The following SCN3A variants were observed in gnomAD, a reference collection of about 807,000 sequenced individuals.
SCN3A encodes sodium voltage-gated channel alpha subunit 3.
A neutral mutation model predicts 187.6 loss-of-function variants in SCN3A; 60 were observed. That is an observed-to-expected ratio of 0.32 (90% CI 0.26 to 0.40). SCN3A has a LOEUF of 0.40. Among genes scored for constraint, SCN3A ranks in the 10% least tolerant of loss-of-function variants. SCN3A has a pLI of 1.00. For missense variants in SCN3A, 1,601 were observed against 2,428.2 expected (o/e 0.66, Z 7.16); for synonymous variants, 788 against 829.2 (o/e 0.95, Z 0.85).
chr2:165,105,355 T>C (rs1347992), intron 21 of SCN3A, among the ~76,000 whole-genome samples: 33,489 of 152,024 alleles, frequency 0.22, 3,626 homozygotes, highest in South Asian at 0.27. Flanking sequence ...GTTTTTCCCA[T>C]TAATAGTACT....
chr2:165,162,853 C>A (rs770748419), intron 7 of SCN3A, 25 bp from the exon 8 acceptor site: 14 of 1,613,318 alleles, frequency 8.7e-6, no homozygotes, highest in Middle Eastern at 3.3e-4. Context: ...CTATAGGTTA[C>A]CTGAGGAAGA....
At chr2:165,124,057 C>T (rs1170784410) in intron 18 of SCN3A, among the ~76,000 whole-genome samples, 4 of 151,758 alleles carry the variant, frequency 2.6e-5, no homozygotes, top group African/African-American at 9.7e-5. Flanking sequence ...TAGTGATTTT[C>T]CCACTAACAT....
intron 2 of SCN3A, among the ~76,000 whole-genome samples, chr2:165,180,054 G>C (rs1254570931): frequency 2.0e-5 from 3 of 151,846 alleles, no homozygotes; most frequent in African/African-American, 7.3e-5. Flanking sequence ...AAAAAGATAC[G>C]AAAAAAATCT....
In SCN3A at chr2:165,092,046, C is replaced by A; in HGVS notation, c.4807+208G>T. On this transcript the variant is annotated intron_variant, in intron 27 of 27. Coordinates refer to ENST00000283254, the MANE Select transcript of SCN3A (RefSeq NM_006922.4). This position sits in a 1 kb window ranked among gnomAD's most constrained non-coding sequence, Gnocchi z 4.2. ...TTTCCTGTCTTCTTCACCTCTTTCC[C>A]AAATCTGGTATTCCTAACATGGTTT... 1.7e-6 allele frequency: 1 copy of A among 605,306 alleles called. No homozygotes were observed. Among genetic ancestry groups the A allele is most frequent in the Non-Finnish European group, 2.9e-6 (1 of 342,836 alleles). The allele number at this position is 605,306 out of a possible 1,614,324, so 37.5% of individuals were successfully genotyped here.
intron 25 of SCN3A, among the ~76,000 whole-genome samples, 183 bp from the exon 26 acceptor site, chr2:165,094,661 A>G (rs945621775): frequency 6.6e-6 from 1 of 152,170 alleles, no homozygotes; most frequent in South Asian, 2.1e-4. Flanking sequence ...CAAAATCCTT[A>G]CGTACATAAA....
In SCN3A at chr2:165,092,040, C is replaced by G; in HGVS notation, c.4807+214G>C. 2 of 601,248 alleles carry G rather than the reference C, an allele frequency of 3.3e-6. No individual in the cohort carries two copies. The highest frequency in any genetic ancestry group is 2.8e-5 in the East Asian group (1 of 35,508). The allele number at this position is 601,248 out of a possible 1,614,324, so 37.2% of individuals were successfully genotyped here. A position where few individuals can be genotyped will look rare whatever the true frequency, so the allele number is the denominator to read the frequency against. On this transcript the variant is annotated intron_variant, in intron 27 of 27. Coordinates refer to ENST00000283254, the MANE Select transcript of SCN3A (RefSeq NM_006922.4). This position sits in a 1 kb window ranked among gnomAD's most constrained non-coding sequence, Gnocchi z 4.2. ...TGTTTATTTCCTGTCTTCTTCACCT[C>G]TTTCCCAAATCTGGTATTCCTAACA...
At chr2:165,138,982 T>G (rs1169106059) in intron 14 of SCN3A, among the ~76,000 whole-genome samples, 2 of 152,154 alleles carry the variant, frequency 1.3e-5, no homozygotes, top group African/African-American at 4.8e-5. Context: ...TTTGGAGGAA[T>G]GTAATGGTTG....
chr2:165,142,633 C>T (rs977670586), intron 12 of SCN3A, among the ~76,000 whole-genome samples: 1 of 152,178 alleles, frequency 6.6e-6, no homozygotes, highest in Non-Finnish European at 1.5e-5. Context: ...GACATCAATT[C>T]ATCCCCCCAT....
Position 165,097,406 on chromosome 2 carries a change from T to C in SCN3A, c.4085A>G (p.Tyr1362Cys), listed in dbSNP as rs1685408901. 2 of 1,614,042 alleles carry C rather than the reference T, an allele frequency of 1.2e-6. No individual in the cohort carries two copies. The highest frequency in any genetic ancestry group is 2.7e-5 in the African/African-American group (2 of 75,022). ...MGVNLFAGKF[Y>C]HCVNMTTGNM... is the part of the protein sequence containing the mutation. ...ACCCGTTGTCATGTTAACACAGTGG[T>C]AGAACTTGCCAGCAAACAAATTCAC... Residue 1362 changes from tyrosine (Y) to cysteine (C), a missense_variant, in exon 23 of 28, where the codon TAC (tyrosine) becomes TGC (cysteine). Physicochemically the swap from Tyr to Cys is radical, Grantham distance 194. This residue lies in a region of SCN3A where 320 missense variants were observed against 623.2 expected (regional missense o/e 0.51). Transcript: ENST00000283254.
intron 14 of SCN3A, 145 bp downstream of exon 14, chr2:165,139,331 G>T: frequency 8.9e-7 from 1 of 1,120,748 alleles, no homozygotes; most frequent in Non-Finnish European, 1.3e-6. Flanking sequence ...TAATCAATGT[G>T]ATAATGTACT....
At chr2:165,100,575 T>G (rs1301946118) in intron 21 of SCN3A, 151 bp from the exon 22 acceptor site, 2 of 721,626 alleles carry the variant, frequency 2.8e-6, no homozygotes, top group Non-Finnish European at 4.6e-6. Flanking sequence ...CATCTTATAT[T>G]GCCAGTCTCA....
chr2:165,107,083 A>C (rs1033040463), intron 21 of SCN3A, among the ~76,000 whole-genome samples: 1 of 152,212 alleles, frequency 6.6e-6, no homozygotes, highest in Non-Finnish European at 1.5e-5. Context: ...TTTGGAAGAA[A>C]TGCATGACTT....
In SCN3A at chr2:165,162,729, C is replaced by G. The variant is rs1327973314; in HGVS notation, c.794G>C (p.Gly265Ala). 6.2e-7 allele frequency: 1 copy of G among 1,614,084 alleles called. No individual in the cohort carries two copies. The highest frequency in any genetic ancestry group is 8.5e-7 in the Non-Finnish European group (1 of 1,179,990). The change falls in exon 8 of 28, where the codon GGG becomes GCG. Residue 265 changes from glycine to alanine, a missense_variant. Gly to Ala is a moderately conservative substitution (Grantham distance 60). Around this residue, in one of 11 missense-constraint regions of SCN3A, gnomAD observed 104 missense variants for 102.7 expected, o/e 1.01. Transcript: ENST00000283254. ...VFCLSVFALI[G>A]LQLFMGNLRN... ...CAGATTGCCCATGAACAGCTGCAGC[C>G]CAATGAGAGCAAACACGCTCAGACA...
At chr2:165,117,075 A>G (rs1234170309) in intron 18 of SCN3A, among the ~76,000 whole-genome samples, 1 of 151,808 alleles carries the variant, frequency 6.6e-6, no homozygotes, top group African/African-American at 2.4e-5. Flanking sequence ...CATTTAAGAA[A>G]GACCTAGGAA....
intron 1 of SCN3A, among the ~76,000 whole-genome samples, chr2:165,192,981 T>A (rs1186197752): frequency 1.3e-5 from 2 of 152,160 alleles, no homozygotes; most frequent in African/African-American, 4.8e-5. Context: ...GTGCCAAATT[T>A]CAAAATGATA....
rs189758079 is a variant in SCN3A, at chr2:165,100,233, C to T, written c.3966+69G>A. The T allele has an allele frequency of 2.2e-5, 34 of 1,522,324 alleles. No individual in the cohort carries two copies. In the Admixed American group the frequency reaches 4.9e-4, roughly 22 times the overall value. The allele number at this position is 1,522,324 out of a possible 1,614,324, so 94.3% of individuals were successfully genotyped here. A position where few individuals can be genotyped will look rare whatever the true frequency, so the allele number is the denominator to read the frequency against. On this transcript the variant is annotated intron_variant, in intron 22 of 27. Coordinates refer to ENST00000283254, the MANE Select transcript of SCN3A (RefSeq NM_006922.4). ...AATAAATATCAGAAGAGTATGGCAC[C>T]CTTTTCTATCTAAATCATTACCTAC...
intron 23 of SCN3A, 145 bp downstream of exon 23, chr2:165,097,107 T>C (rs911237030): frequency 5.8e-5 from 43 of 745,746 alleles, no homozygotes; most frequent in Non-Finnish European, 8.4e-5. Context: ...TTTTTTATGA[T>C]CAATTCAAGC....
chr2:165,153,052 A>G (rs1364346890), intron 11 of SCN3A, among the ~76,000 whole-genome samples: 1 of 151,702 alleles, frequency 6.6e-6, no homozygotes, highest in Non-Finnish European at 1.5e-5. Context: ...TTATTTCAAG[A>G]CTCGTCATAA....
At chr2:165,191,353 C>G (rs1240176573) in intron 1 of SCN3A, among the ~76,000 whole-genome samples, 1 of 152,050 alleles carries the variant, frequency 6.6e-6, no homozygotes, top group Non-Finnish European at 1.5e-5. Context: ...CATATCATTC[C>G]TCTGCTCAGA....
Sources: allele counts gnomAD v4.1 joint callset (sites outside exome capture counted in the v4.1 genomes callset), GRCh38; gene constraint gnomAD v4.1.1; regional missense constraint gnomAD v4.1.1; non-coding constraint Gnocchi (gnomAD v3.1); transcripts MANE v1.5; gene names NCBI Gene and HGNC (gene_info 2026-07-23, HGNC 2026-07-21).